The following SPNS2 variants were observed in gnomAD, a reference collection of about 807,000 sequenced individuals.
SPNS2 encodes the protein sphingosine-1-phosphate transporter SPNS2.
In SPNS2, 37 loss-of-function variants were observed where a neutral mutation model predicts 57.6. The ratio of observed to expected loss-of-function variants is 0.64; its 90% CI spans 0.49 to 0.85. The LOEUF (loss-of-function observed/expected upper bound fraction) is 0.85, where lower values mean the gene tolerates loss of function less well. Ranked by LOEUF, SPNS2 falls within the 40% of genes least tolerant of loss-of-function variation. The pLI is 0.00. For synonymous variants in SPNS2, 440 were observed against 346.9 expected (o/e 1.27, Z -2.98); for missense variants, 831 against 779.1 (o/e 1.07, Z -0.79).
In SPNS2 at chr17:4,536,414, G is replaced by C. The variant is rs1360511716; in HGVS notation, c.1595G>C (p.Arg532Thr). 2 of 1,597,526 alleles carry C rather than the reference G, an allele frequency of 1.3e-6. No homozygotes were observed. Among genetic ancestry groups the C allele is most frequent in the African/African-American group, 1.3e-5 (1 of 74,182 alleles). Residue 532 changes from arginine to threonine, a missense_variant, in exon 11 of 13, where the codon AGG (arginine) becomes ACG (threonine). Transcript: ENST00000329078. ...TALFFVSDRA[R>T]AEQQVNQLAM... ...CTCTTCTTCGTCAGCGACCGCGCCA[G>C]GGCTGAGCAGCAGTGAGTGGGGGGG... is the stretch of plus-strand genomic sequence containing the variant.
rs139545659 is a variant in SPNS2, at chr17:4,534,297, C to T, written c.1344+444C>T. The T allele has an allele frequency of 2.7e-4, 60 of 218,758 alleles. No homozygotes were observed. The East Asian group carries it at 6.1e-3, about 22-fold the overall frequency. 13.6% of individuals were successfully genotyped at this position (218,758 alleles called of 1,614,324 possible). On this transcript the variant is annotated intron_variant, in intron 9 of 12. Transcript: ENST00000329078. ...ACAGGGCCAACAATGGGCTCTAGCC[C>T]AGCCAGCTGGGGACAAAGGGCTGTC...
chr17:4,530,124 C>T (rs1286214610), intron 3 of SPNS2, among the ~76,000 whole-genome samples: 32 of 151,454 alleles, frequency 2.1e-4, no homozygotes, highest in Non-Finnish European at 2.9e-5. Flanking sequence ...GGGGGAGGGG[C>T]TCTGGGTCCC....
In SPNS2 at chr17:4,525,158, G is replaced by T; in HGVS notation, c.538G>T (p.Ala180Ser). ...ILSCGIFFWS[A>S]VTFSSSFIPQ... ...CAGCTGCGGCATTTTCTTCTGGTCG[G>T]CCGTCACCTTCTCCAGCTCCTTCAT... is the stretch of plus-strand genomic sequence containing the variant. Residue 180 changes from alanine (A) to serine (S), a missense_variant, in exon 3 of 13, where the codon GCC becomes TCC. Ala to Ser is a moderately conservative substitution (Grantham distance 99, BLOSUM62 1). Transcript: ENST00000329078. 1 of 1,614,146 alleles carries T rather than the reference G, an allele frequency of 6.2e-7. No individual in the cohort carries two copies. The highest frequency in any genetic ancestry group is 8.5e-7 in the Non-Finnish European group (1 of 1,180,030).
intron 1 of SPNS2, 99 bp from the exon 2 acceptor site, chr17:4,513,148 G>A (rs530507852): frequency 1.5e-6 from 2 of 1,348,628 alleles, no homozygotes; most frequent in African/African-American, 1.4e-5. Context: ...CGCAGATATG[G>A]CCAGGCTGGG....
At chr17:4,524,074 G>T (rs1905206737) in intron 2 of SPNS2, among the ~76,000 whole-genome samples, 1 of 152,212 alleles carries the variant, frequency 6.6e-6, no homozygotes, top group Non-Finnish European at 1.5e-5. Flanking sequence ...CCTGCGGCGC[G>T]CTGGGAGTGA....
intron 11 of SPNS2, chr17:4,536,670 A>C: frequency 3.0e-6 from 2 of 660,402 alleles, no homozygotes; most frequent in South Asian, 3.8e-5. Flanking sequence ...TGGTTTTCAA[A>C]GCTGGGGCCC....
intron 2 of SPNS2, among the ~76,000 whole-genome samples, chr17:4,520,513 G>A (rs1219506530): frequency 1.3e-5 from 2 of 152,232 alleles, no homozygotes; most frequent in East Asian, 3.9e-4. Context: ...AGAGCGCGCT[G>A]TGGTTCTCTG....
intron 9 of SPNS2, among the ~76,000 whole-genome samples, chr17:4,534,178 GCTGGGT>G (rs1905647063): frequency 6.6e-6 from 1 of 152,150 alleles, no homozygotes; most frequent in African/African-American, 2.4e-5. Flanking sequence ...TCCTCCCCCC[GCTGGGT>G]CTGAGCATCC....
In SPNS2 at chr17:4,499,458, C is replaced by T. The variant is rs1454090568; in HGVS notation, c.370+41C>T. Reference sequence around the variant, plus strand: ...ACCCAGCCCGAGGACCAAGACCCCACCCCATCCCACCACCCGCCTCGAGGG... The same window carrying T: ...ACCCAGCCCGAGGACCAAGACCCCATCCCATCCCACCACCCGCCTCGAGGG... On this transcript the variant is annotated intron_variant, in intron 1 of 12. Transcript: ENST00000329078. The surrounding 1 kb of genome is among the most constrained non-coding windows in gnomAD (Gnocchi z 5.2). The T allele has an allele frequency of 7.4e-6, 9 of 1,216,730 alleles. No homozygotes were observed. In the South Asian group the frequency reaches 1.5e-4, roughly 21 times the overall value. 75.4% of individuals were successfully genotyped at this position (1,216,730 alleles called of 1,614,324 possible).
At chr17:4,532,155 CGTCTGTCCATCT>C (rs1905510644) in intron 5 of SPNS2, among the ~76,000 whole-genome samples, 2 of 131,146 alleles carry the variant, frequency 1.5e-5, no homozygotes, top group African/African-American at 3.0e-5. Flanking sequence ...TCTGTCCATC[CGTCTGTCCATCT>C]GTCCATCTAT....
At chr17:4,502,876 G>A (rs1904563696) in intron 1 of SPNS2, among the ~76,000 whole-genome samples, 1 of 152,144 alleles carries the variant, frequency 6.6e-6, no homozygotes, top group Non-Finnish European at 1.5e-5. Flanking sequence ...TCTCCACAGG[G>A]CTGGTCTCCA....
At chr17:4,525,224 C>G (rs758454235) in intron 3 of SPNS2, 31 bp downstream of exon 3, 2 of 1,611,564 alleles carry the variant, frequency 1.2e-6, no homozygotes, top group Non-Finnish European at 1.7e-6. Context: ...TCCCCGACCC[C>G]TGTGTCCTGG....
chr17:4,515,692 C>T (rs905206294), intron 2 of SPNS2, among the ~76,000 whole-genome samples: 2 of 152,252 alleles, frequency 1.3e-5, no homozygotes, highest in Non-Finnish European at 2.9e-5. Flanking sequence ...TGTGCCTTCC[C>T]CAAGCCCGAT....
chr17:4,517,778 T>G (rs1183279986), intron 2 of SPNS2, among the ~76,000 whole-genome samples: 1 of 152,130 alleles, frequency 6.6e-6, no homozygotes, highest in South Asian at 2.1e-4. Context: ...GTGTTTAATA[T>G]TCAAAGCTCT....
intron 2 of SPNS2, among the ~76,000 whole-genome samples, chr17:4,516,533 C>T (rs893419635): frequency 6.6e-6 from 1 of 152,156 alleles, no homozygotes; most frequent in Non-Finnish European, 1.5e-5. Context: ...CAAGCCACCA[C>T]CCAGGCACAG....
At position 4,533,265 on chromosome 17, in the gene SPNS2, T is replaced by C; in HGVS notation, c.1111T>C (p.Cys371Arg). Residue 371 changes from cysteine (C) to arginine (R), a missense_variant, in exon 8 of 13, where the codon TGC becomes CGC. Around this residue, in one of 2 missense-constraint regions of SPNS2, gnomAD observed 526 missense variants for 400.9 expected, o/e 1.31. Coordinates refer to ENST00000329078, the MANE Select transcript of SPNS2 (RefSeq NM_001124758.3). The stretch of plus-strand genomic sequence containing the variant: ...CAGCCTCATCTTTGGGGCCATCACC[T>C]GCTTTACGGGATTTCTGGGCGTGGT... ...KDSLIFGAIT[C>R]FTGFLGVVTG... 6.2e-7 allele frequency: 1 copy of C among 1,606,566 alleles called. No individual in the cohort carries two copies. Among genetic ancestry groups the C allele is most frequent in the Non-Finnish European group, 8.5e-7 (1 of 1,175,670 alleles).
intron 3 of SPNS2, among the ~76,000 whole-genome samples, chr17:4,525,540 G>A (rs1905244685): frequency 6.6e-6 from 1 of 152,196 alleles, no homozygotes; most frequent in Non-Finnish European, 1.5e-5. Context: ...CTGGCTGTGT[G>A]ACCCTGGGGG....
chr17:4,513,156 G>A, intron 1 of SPNS2, 91 bp from the exon 2 acceptor site: 1 of 1,406,320 alleles, frequency 7.1e-7, no homozygotes, highest in Non-Finnish European at 1.0e-6. Flanking sequence ...TGGCCAGGCT[G>A]GGCCCTGCAA....
At chr17:4,518,648 C>T (rs934744725) in intron 2 of SPNS2, among the ~76,000 whole-genome samples, 2 of 152,072 alleles carry the variant, frequency 1.3e-5, no homozygotes, top group African/African-American at 2.4e-5. Context: ...TGTAGGCTCA[C>T]GAGGAAGTGC....
Sources: gnomAD v4.1 joint callset for allele counts (sites outside exome capture counted in the v4.1 genomes callset) on GRCh38, gnomAD v4.1.1 for gene constraint, gnomAD v4.1.1 regional missense constraint, Gnocchi (gnomAD v3.1) non-coding constraint, MANE v1.5 for transcripts, NCBI Gene and HGNC (gene_info 2026-07-23, HGNC 2026-07-21) for gene names.